Variants in RAPGEF4 observed in about 807,000 individuals in gnomAD.
RAPGEF4 encodes Rap guanine nucleotide exchange factor 4.
Under a neutral mutation model 147.9 loss-of-function variants are expected in RAPGEF4, and 66 were observed. The observed-to-expected ratio is 0.45, with a 90% CI of 0.37 to 0.55. RAPGEF4 has a LOEUF of 0.55. Ranked by LOEUF, RAPGEF4 falls within the 20% of genes least tolerant of loss-of-function variation. The pLI is 0.00. For missense variants in RAPGEF4, 1,071 were observed against 1,257.3 expected (o/e 0.85, Z 2.24); for synonymous variants, 419 against 442.7 (o/e 0.95, Z 0.67).
intron 6 of RAPGEF4, 48 bp downstream of exon 6, chr2:172,922,348 A>G (rs770618666): frequency 6.5e-7 from 1 of 1,538,010 alleles, no homozygotes; most frequent in African/African-American, 1.4e-5. Context: ...GTTATAAGGT[A>G]AAAAATAATC....
At position 172,825,218 on chromosome 2, in the gene RAPGEF4, T is replaced by TA. The variant is rs1163212838; in HGVS notation, c.444+10794dup. On this transcript the variant is annotated intron_variant, in intron 4 of 30. Coordinates refer to ENST00000397081, the MANE Select transcript of RAPGEF4 (RefSeq NM_007023.4). ...CCACCTTAAATGTGCTCAGAACACT[T>TA]ACATTAGCCTACAGTTGGCCAAATC... is the stretch of plus-strand genomic sequence containing the variant. Among the ~76,000 whole-genome samples the TA allele has an allele frequency of 3.9e-5, 6 of 152,360 alleles. No homozygotes were observed. The East Asian group carries it at 7.7e-4, about 20-fold the overall frequency.
rs187672898 is a variant in RAPGEF4 at position 172,988,855 on chromosome 2, A to C, written c.1374+16A>C. ...GATCCTAAGGGTGAGTCCAAAGCAA[A>C]GTGTGGCTGAGAGACAGCCCATTTT... is the stretch of plus-strand genomic sequence containing the variant. On this transcript the variant is annotated intron_variant, in intron 14 of 30. Coordinates refer to ENST00000397081, the MANE Select transcript of RAPGEF4 (RefSeq NM_007023.4). 1,991 of 1,610,990 alleles carry C rather than the reference A, an allele frequency of 1.2e-3. 4 individuals carry two copies. Among genetic ancestry groups the C allele is most frequent in the South Asian group, 2.4e-3 (221 of 90,982 alleles).
chr2:172,794,104 G>T (rs1686105372), intron 1 of RAPGEF4, among the ~76,000 whole-genome samples: 1 of 151,978 alleles, frequency 6.6e-6, no homozygotes, highest in Non-Finnish European at 1.5e-5. Flanking sequence ...CACAGCCTGG[G>T]TGACAAAGTG....
Position 172,735,980 on chromosome 2 carries a change from C to G in RAPGEF4, c.-4C>G. On this transcript the variant is annotated 5_prime_UTR_variant, in exon 1 of 31. Transcript: ENST00000397081. ...GCCAGGGACACCGCGCGCCGCCGCTCAACATGGTCGCTGCGCACGCTGCCC... is the reference window on the plus strand; with the variant it reads ...GCCAGGGACACCGCGCGCCGCCGCTGAACATGGTCGCTGCGCACGCTGCCC... 6.8e-7 allele frequency: 1 copy of G among 1,470,168 alleles called. No homozygotes were observed. Among genetic ancestry groups the G allele is most frequent in the Non-Finnish European group, 9.0e-7 (1 of 1,109,190 alleles). 91.1% of individuals were successfully genotyped at this position (1,470,168 alleles called of 1,614,324 possible).
At chr2:172,828,110 C>G (rs1312518958) in intron 4 of RAPGEF4, among the ~76,000 whole-genome samples, 1 of 152,066 alleles carries the variant, frequency 6.6e-6, no homozygotes, top group East Asian at 1.9e-4. Context: ...CGTCAAGGAT[C>G]TTGCAACTTA....
At position 173,005,520 on chromosome 2, in the gene RAPGEF4, G is replaced by GTTTTTTTTTTTTTTTTTTTTTT. The variant is rs573596077; in HGVS notation, c.1658+4197_1658+4198insTTTTTTTTTTTTTTTTTTTTTT. On this transcript the variant is annotated intron_variant, in intron 17 of 30. Coordinates refer to ENST00000397081, the MANE Select transcript of RAPGEF4 (RefSeq NM_007023.4). ...TTTGTTGTTGTTGTTGTTGTTTTGT[G>GTTTTTTTTTTTTTTTTTTTTTT]TTTTTTTTTTTTTTTTTTTTTGAGA... Among the ~76,000 whole-genome samples the GTTTTTTTTTTTTTTTTTTTTTT allele has an allele frequency of 2.5e-4, 22 of 86,736 alleles. 1 individual carries two copies. The highest frequency in any genetic ancestry group is 3.1e-4 in the Non-Finnish European group (15 of 47,732). 56.9% of individuals were successfully genotyped at this position (86,736 alleles called of 152,430 possible).
intron 17 of RAPGEF4, among the ~76,000 whole-genome samples, chr2:173,009,690 C>G (rs1437202609): frequency 6.6e-6 from 1 of 152,172 alleles, no homozygotes; most frequent in Non-Finnish European, 1.5e-5. Context: ...TTTGAATGAT[C>G]AGATTTAACA....
chr2:172,860,544 G>C (rs559346012), intron 4 of RAPGEF4, among the ~76,000 whole-genome samples: 2 of 150,426 alleles, frequency 1.3e-5, no homozygotes, highest in African/African-American at 2.5e-5. Flanking sequence ...CAGGAAGCCT[G>C]TGCGTGAGTT....
intron 6 of RAPGEF4, among the ~76,000 whole-genome samples, chr2:172,956,047 GAC>G (rs1168545821): frequency 6.6e-6 from 1 of 152,150 alleles, no homozygotes; most frequent in Non-Finnish European, 1.5e-5. Flanking sequence ...ATGTTTCTCT[GAC>G]TTCTGGCTGG....
intron 1 of RAPGEF4, among the ~76,000 whole-genome samples, chr2:172,773,586 C>G (rs1190752516): frequency 6.6e-6 from 1 of 151,156 alleles, no homozygotes; most frequent in Non-Finnish European, 1.5e-5. Flanking sequence ...ACTTGAGAGC[C>G]TCTATCTCCT....
intron 4 of RAPGEF4, among the ~76,000 whole-genome samples, chr2:172,895,514 A>C (rs886619688): frequency 2.0e-4 from 30 of 152,194 alleles, no homozygotes; most frequent in Admixed American, 1.2e-3. Context: ...ACAAGCCCCC[A>C]AAAAGGCTTA....
At chr2:173,032,238 C>G (rs1697260547) in intron 26 of RAPGEF4, among the ~76,000 whole-genome samples, 1 of 152,134 alleles carries the variant, frequency 6.6e-6, no homozygotes, top group African/African-American at 2.4e-5. Flanking sequence ...GCATCCCTGG[C>G]CTCTCCCCAC....
Position 172,829,073 on chromosome 2 carries a change from G to A in RAPGEF4, c.444+14648G>A, listed in dbSNP as rs114982707. ...GGGAAAGTGGAGGCCAGAGTGCTGC[G>A]GCCCCTCCAAGAGACCTGGGCTACG... On this transcript the variant is annotated intron_variant, in intron 4 of 30. Transcript: ENST00000397081. 6.6e-3 allele frequency among the ~76,000 whole-genome samples: 1,001 copies of A among 152,286 alleles called. 2 individuals carry two copies. Among genetic ancestry groups the A allele is most frequent in the Non-Finnish European group, 0.011 (769 of 67,998 alleles).
At chr2:172,925,815 G>GAGAA (rs1206153386) in intron 6 of RAPGEF4, among the ~76,000 whole-genome samples, 8 of 141,164 alleles carry the variant, frequency 5.7e-5, no homozygotes, top group Non-Finnish European at 9.2e-5. Context: ...GAAAGAGAGA[G>GAGAA]AGAAAGAAAG....
chr2:173,004,517 A>G (rs983191435), intron 17 of RAPGEF4, among the ~76,000 whole-genome samples: 1 of 152,088 alleles, frequency 6.6e-6, no homozygotes, highest in African/African-American at 2.4e-5. Context: ...TTTTCTATAC[A>G]TATAGATATA....
chr2:172,964,887 C>T (rs1264964277), intron 8 of RAPGEF4, among the ~76,000 whole-genome samples: 1 of 152,076 alleles, frequency 6.6e-6, no homozygotes, highest in Middle Eastern at 3.2e-3. Flanking sequence ...ACCAACTCAC[C>T]ACAGAAGGGC....
At chr2:172,752,393 T>A (rs1574699412) in intron 1 of RAPGEF4, among the ~76,000 whole-genome samples, 1 of 152,284 alleles carries the variant, frequency 6.6e-6, no homozygotes, top group East Asian at 1.9e-4. Context: ...TGAATTTTTA[T>A]CATATTTTAT....
intron 4 of RAPGEF4, among the ~76,000 whole-genome samples, chr2:172,863,764 A>T (rs1004218572): frequency 6.6e-6 from 1 of 152,206 alleles, no homozygotes; most frequent in Non-Finnish European, 1.5e-5. Flanking sequence ...TTCATTTGCA[A>T]GCCCTTTATA....
intron 4 of RAPGEF4, among the ~76,000 whole-genome samples, chr2:172,902,090 C>T (rs183592056): frequency 6.6e-6 from 1 of 152,146 alleles, no homozygotes; most frequent in East Asian, 1.9e-4. Flanking sequence ...ACATTCCAGG[C>T]AGCAGGAGGC....
Sources: allele counts gnomAD v4.1 joint callset (sites outside exome capture counted in the v4.1 genomes callset), GRCh38; gene constraint gnomAD v4.1.1; transcripts MANE v1.5; gene names NCBI Gene and HGNC (gene_info 2026-07-23, HGNC 2026-07-21).